KCNH5: variants seen among roughly 807,000 people sequenced by gnomAD.
KCNH5 encodes potassium voltage-gated channel subfamily H member 5, also known as voltage-gated delayed rectifier potassium channel KCNH5.
In KCNH5, 46 loss-of-function variants were observed where a neutral mutation model predicts 96.1. That is an observed-to-expected ratio of 0.48 (90% CI 0.38 to 0.61). The LOEUF is 0.61. Among genes scored for constraint, KCNH5 ranks in the 20% least tolerant of loss-of-function variants. KCNH5 has a pLI of 0.00. For missense variants in KCNH5, 907 were observed against 1,225.8 expected (o/e 0.74, Z 3.88); for synonymous variants, 439 against 449.8 (o/e 0.98, Z 0.30).
chr14:63,008,869 CA>C lies in KCNH5; in HGVS notation c.198-2398del, dbSNP rs151223254. Among the ~76,000 whole-genome samples the C allele has an allele frequency of 5.8e-3, 885 of 151,776 alleles. 9 individuals carry two copies. Among genetic ancestry groups the C allele is most frequent in the African/African-American group, 0.02 (811 of 41,460 alleles). On this transcript the variant is annotated intron_variant, in intron 2 of 10. Coordinates refer to ENST00000322893, the MANE Select transcript of KCNH5 (RefSeq NM_139318.5). ...AAAGAACATAAAGCCACTTCTCTCC[CA>C]AAAAAATATTAGCTTAATATTGTAC...
intron 7 of KCNH5, among the ~76,000 whole-genome samples, chr14:62,890,424 G>A (rs998264926): frequency 4.6e-5 from 7 of 152,104 alleles, no homozygotes; most frequent in South Asian, 4.1e-4. Context: ...GGCCGGGCGC[G>A]GTGGCTCACG....
At chr14:62,962,046 C>T (rs138479649) in intron 6 of KCNH5, among the ~76,000 whole-genome samples, 10 of 144,998 alleles carry the variant, frequency 6.9e-5, no homozygotes, top group East Asian at 2.1e-4. Context: ...CAGATGGAGA[C>T]GGAGATGGAG....
chr14:62,944,096 A>G (rs947815709), intron 7 of KCNH5, among the ~76,000 whole-genome samples: 3 of 152,074 alleles, frequency 2.0e-5, no homozygotes, highest in Non-Finnish European at 4.4e-5. Flanking sequence ...AACTTTTGAG[A>G]CTGTAGTCTT....
intron 10 of KCNH5, among the ~76,000 whole-genome samples, chr14:62,711,157 CTG>C (rs2139902568): frequency 6.6e-6 from 1 of 152,236 alleles, no homozygotes; most frequent in Admixed American, 6.5e-5. Context: ...TGTTGTAAGA[CTG>C]TAACATGTCC....
At chr14:62,959,696 G>A (rs76466218) in intron 6 of KCNH5, among the ~76,000 whole-genome samples, 2,577 of 152,158 alleles carry the variant, frequency 0.017, 64 homozygotes, top group African/African-American at 0.06. Flanking sequence ...CAAACTGGTA[G>A]TTAGATTTTG....
chr14:62,830,405 A>T (rs1430569308), intron 8 of KCNH5, among the ~76,000 whole-genome samples: 4 of 152,184 alleles, frequency 2.6e-5, no homozygotes, highest in Non-Finnish European at 2.9e-5. Flanking sequence ...AGAGCTACCT[A>T]AGACTGGATA....
chr14:62,909,699 C>A (rs1005586755), intron 7 of KCNH5, among the ~76,000 whole-genome samples: 3 of 152,060 alleles, frequency 2.0e-5, no homozygotes, highest in Admixed American at 1.3e-4. Flanking sequence ...CCATTTGCTT[C>A]CTTTGCTCAC....
intron 2 of KCNH5, among the ~76,000 whole-genome samples, chr14:63,016,213 C>T (rs892432283): frequency 6.6e-6 from 1 of 151,830 alleles, no homozygotes; most frequent in Admixed American, 6.6e-5. Context: ...TAAATTAGTT[C>T]CTTATATATA....
chr14:62,770,420 A>G (rs1431653601), intron 10 of KCNH5, among the ~76,000 whole-genome samples: 1 of 152,170 alleles, frequency 6.6e-6, no homozygotes, highest in Non-Finnish European at 1.5e-5. Flanking sequence ...CCAAACCACT[A>G]TTTCTTACCA....
intron 10 of KCNH5, among the ~76,000 whole-genome samples, chr14:62,762,870 C>T (rs1885782874): frequency 6.6e-6 from 1 of 152,128 alleles, no homozygotes; most frequent in African/African-American, 2.4e-5. Context: ...ATACCCAACA[C>T]TAAAGCACTC....
intron 9 of KCNH5, among the ~76,000 whole-genome samples, chr14:62,781,815 C>A (rs902320968): frequency 3.3e-5 from 5 of 152,068 alleles, no homozygotes; most frequent in Non-Finnish European, 7.3e-5. Context: ...GCAGTTAATG[C>A]AATTATTTCA....
At position 63,045,443 on chromosome 14, in the gene KCNH5, G is replaced by T; in HGVS notation, c.-257C>A. On this transcript the variant is annotated 5_prime_UTR_variant, in exon 1 of 11. Coordinates refer to ENST00000322893, the MANE Select transcript of KCNH5 (RefSeq NM_139318.5). ...CCCAGACTGTGGCGGTGCCGCACAC[G>T]GGGCTCGGGAACTGCAGGCTCCGCG... is the stretch of plus-strand genomic sequence containing the variant. 1.9e-6 allele frequency: 1 copy of T among 513,764 alleles called. No individual in the cohort carries two copies. Among genetic ancestry groups the T allele is most frequent in the South Asian group, 2.5e-5 (1 of 39,576 alleles). The allele number at this position is 513,764 out of a possible 1,614,324, so 31.8% of individuals were successfully genotyped here.
rs201612123 is a variant in KCNH5, at chr14:62,912,221, TCTC to T, written c.1369+37909_1369+37911del. 6.0e-3 allele frequency among the ~76,000 whole-genome samples: 915 copies of T among 152,112 alleles called. 12 individuals carry two copies. The highest frequency in any genetic ancestry group is 0.021 in the African/African-American group (879 of 41,488). ...ATTAATATGTCCCTCACATAATAAA[TCTC>T]AGCAAATTCAGTGTTAATAATTTTT... On this transcript the variant is annotated intron_variant, in intron 7 of 10. Transcript: ENST00000322893.
intron 10 of KCNH5, among the ~76,000 whole-genome samples, chr14:62,723,706 A>C (rs1884863676): frequency 1.3e-5 from 2 of 152,238 alleles, no homozygotes; most frequent in Admixed American, 1.3e-4. Flanking sequence ...TGGGTACCTG[A>C]ATAAATTTGG....
intron 7 of KCNH5, among the ~76,000 whole-genome samples, chr14:62,864,234 C>A (rs1250535707): frequency 6.6e-6 from 1 of 152,014 alleles, no homozygotes; most frequent in Non-Finnish European, 1.5e-5. Context: ...TTTACAATAA[C>A]CCTGAATAAT....
chr14:63,006,949 A>G (rs762396860), intron 2 of KCNH5, among the ~76,000 whole-genome samples: 3 of 152,232 alleles, frequency 2.0e-5, no homozygotes, highest in Non-Finnish European at 4.4e-5. Context: ...CCCATATGAC[A>G]TTTTACAAAA....
intron 7 of KCNH5, among the ~76,000 whole-genome samples, chr14:62,866,283 T>A (rs962586918): frequency 1.3e-5 from 2 of 152,190 alleles, no homozygotes; most frequent in African/African-American, 4.8e-5. Context: ...AAGTTTTGAC[T>A]TGATAAAATT....
chr14:62,917,673 A>C (rs978217789), intron 7 of KCNH5, among the ~76,000 whole-genome samples: 1 of 152,078 alleles, frequency 6.6e-6, no homozygotes, highest in Non-Finnish European at 1.5e-5. Context: ...TGGACCAAGC[A>C]CTCTGACGTG....
intron 8 of KCNH5, among the ~76,000 whole-genome samples, chr14:62,847,696 A>T (rs1446965083): frequency 2.6e-5 from 4 of 152,162 alleles, no homozygotes; most frequent in Non-Finnish European, 5.9e-5. Context: ...TTGAAATTAA[A>T]TTTTTATTTC....
Sources: allele counts gnomAD v4.1 joint callset (sites outside exome capture counted in the v4.1 genomes callset), GRCh38; gene constraint gnomAD v4.1.1; transcripts MANE v1.5; gene names NCBI Gene and HGNC (gene_info 2026-07-23, HGNC 2026-07-21).